ACACA: variants seen among roughly 807,000 people sequenced by gnomAD.
The protein encoded by ACACA is acetyl-CoA carboxylase 1.
A neutral mutation model predicts 296.1 loss-of-function variants in ACACA; 103 were observed. That is an observed-to-expected ratio of 0.35 (90% CI 0.30 to 0.41). ACACA has a LOEUF of 0.41. ACACA is among the 10% of genes least tolerant of loss of function. The pLI is 1.00. For synonymous variants in ACACA, 953 were observed against 1,038.6 expected (o/e 0.92, Z 1.58); for missense variants, 1,554 against 2,989.7 (o/e 0.52, Z 11.20).
intron 42 of ACACA, among the ~76,000 whole-genome samples, chr17:37,158,791 G>A (rs1345302854): frequency 6.6e-6 from 1 of 152,058 alleles, no homozygotes; most frequent in Non-Finnish European, 1.5e-5. Context: ...AGGGCATTGG[G>A]TCCTAGTGGG....
intron 39 of ACACA, among the ~76,000 whole-genome samples, chr17:37,185,833 T>A (rs2077511199): frequency 2.0e-5 from 3 of 152,196 alleles, no homozygotes; most frequent in Admixed American, 2.0e-4. Context: ...CCTCCCAAAG[T>A]GCTGGGATTA....
chr17:37,323,808 T>C (rs1367120209), intron 3 of ACACA, among the ~76,000 whole-genome samples: 1 of 152,210 alleles, frequency 6.6e-6, no homozygotes, highest in Non-Finnish European at 1.5e-5. Context: ...TTCTATTTGG[T>C]TGATAGCATG....
intron 39 of ACACA, 65 bp downstream of exon 39, chr17:37,188,212 C>G: frequency 1.3e-6 from 2 of 1,491,646 alleles, no homozygotes; most frequent in Non-Finnish European, 1.9e-6. Flanking sequence ...TCTTCTATAA[C>G]AAGGACGAGT....
At chr17:37,340,307 A>G (rs1484732365) in intron 1 of ACACA, among the ~76,000 whole-genome samples, 2 of 152,206 alleles carry the variant, frequency 1.3e-5, no homozygotes, top group East Asian at 3.8e-4. Flanking sequence ...CTAAGTCCCT[A>G]AACTGTAAGG....
rs913262341 is a variant in ACACA at position 37,191,334 on chromosome 17, G to C, written c.4417-59C>G. On this transcript the variant is annotated intron_variant, in intron 37 of 55. Transcript: ENST00000616317. ...GTTTAAAAGAGGCAATAAAGAAATGGCTATTATAATCACTTAAGCAGCAGT... is the reference window on the plus strand; with the variant it reads ...GTTTAAAAGAGGCAATAAAGAAATGCCTATTATAATCACTTAAGCAGCAGT... 8.0e-6 allele frequency: 12 copies of C among 1,506,440 alleles called. No individual in the cohort carries two copies. The African/African-American group carries it at 1.7e-4, about 21-fold the overall frequency. 93.3% of individuals were successfully genotyped at this position (1,506,440 alleles called of 1,614,324 possible).
chr17:37,317,889 G>T (rs907644398), intron 3 of ACACA, among the ~76,000 whole-genome samples: 3 of 152,150 alleles, frequency 2.0e-5, no homozygotes, highest in Non-Finnish European at 2.9e-5. Flanking sequence ...ATGGGAGATG[G>T]AAAGAGGAAA....
At position 37,258,251 on chromosome 17, in the gene ACACA, A is replaced by G; in HGVS notation, c.1623T>C (p.His541=). The G allele has an allele frequency of 6.2e-7, 1 of 1,614,166 alleles. No individual in the cohort carries two copies. Among genetic ancestry groups the G allele is most frequent in the Non-Finnish European group, 8.5e-7 (1 of 1,180,012 alleles). Residue 541 remains histidine, a synonymous_variant, in exon 13 of 56, where the codon CAT becomes CAC. Coordinates refer to ENST00000616317, the MANE Select transcript of ACACA (RefSeq NM_198834.3). ...DSAHVPCPRG[H]VIAARITSEN... is the part of the protein sequence containing the mutation. ...CACTAGTGATCCGAGCAGCAATAAC[A>G]TGGCCCCTTGGACAAGGAACGTGTG...
intron 1 of ACACA, among the ~76,000 whole-genome samples, chr17:37,383,579 G>A (rs900160631): frequency 1.3e-5 from 2 of 152,132 alleles, no homozygotes; most frequent in Admixed American, 1.3e-4. Flanking sequence ...ACAGAGTCTC[G>A]CTTTGTCCCC....
intron 10 of ACACA, among the ~76,000 whole-genome samples, chr17:37,264,884 GTTC>G (rs1388903509): frequency 5.3e-5 from 8 of 152,318 alleles, no homozygotes; most frequent in East Asian, 3.9e-4. Flanking sequence ...CATCTGGGCA[GTTC>G]TTCTTCTGGT....
chr17:37,351,277 T>G (rs11869216), intron 1 of ACACA, among the ~76,000 whole-genome samples: 4 of 151,840 alleles, frequency 2.6e-5, no homozygotes, highest in Non-Finnish European at 5.9e-5. Flanking sequence ...GCCTGGCCAA[T>G]ATGGTAAAAC....
At chr17:37,355,420 G>A (rs895910951) in intron 1 of ACACA, among the ~76,000 whole-genome samples, 3 of 151,846 alleles carry the variant, frequency 2.0e-5, no homozygotes, top group African/African-American at 7.3e-5. Context: ...GCCAGGTGTG[G>A]TGGCAGGCGC....
At chr17:37,244,221 C>G (rs1485393282) in intron 21 of ACACA, among the ~76,000 whole-genome samples, 2 of 151,748 alleles carry the variant, frequency 1.3e-5, no homozygotes, top group African/African-American at 4.8e-5. Flanking sequence ...AAAAAATTAG[C>G]CGCGCCTGGT....
intron 3 of ACACA, among the ~76,000 whole-genome samples, chr17:37,320,134 T>A (rs958119738): frequency 7.9e-5 from 12 of 151,338 alleles, no homozygotes; most frequent in East Asian, 3.9e-4. Flanking sequence ...GTAAAAAAAA[T>A]TTTTCAAGTA....
intron 3 of ACACA, among the ~76,000 whole-genome samples, chr17:37,325,604 T>G (rs1279427255): frequency 1.4e-5 from 2 of 140,426 alleles, no homozygotes; most frequent in African/African-American, 2.6e-5. Flanking sequence ...TTTTTTTTTT[T>G]GCTCTGTTGC....
Position 37,266,421 on chromosome 17 carries a change from C to CA in ACACA, c.1120-2528dup, listed in dbSNP as rs57539782. 4.6e-3 allele frequency among the ~76,000 whole-genome samples: 477 copies of CA among 104,800 alleles called. 2 individuals are homozygous for CA. The highest frequency in any genetic ancestry group is 0.022 in the Middle Eastern group (4 of 182). The allele number at this position is 104,800 out of a possible 152,430, so 68.8% of individuals were successfully genotyped here. On this transcript the variant is annotated intron_variant, in intron 10 of 55. Coordinates refer to ENST00000616317, the MANE Select transcript of ACACA (RefSeq NM_198834.3). ...AGAGTGAGACTCCCTCTCAAGAAAACAAAAAAAAAAAAGATAGTTAGAAGC... is the reference window on the plus strand; with the variant it reads ...AGAGTGAGACTCCCTCTCAAGAAAACAAAAAAAAAAAAAGATAGTTAGAAGC...
intron 30 of ACACA, 68 bp downstream of exon 30, chr17:37,210,399 T>C: frequency 2.1e-6 from 3 of 1,441,178 alleles, no homozygotes; most frequent in Non-Finnish European, 2.9e-6. Context: ...GTTTTTTTTT[T>C]CCTGGTTTCA....
chr17:37,348,964 A>G, intron 1 of ACACA, among the ~76,000 whole-genome samples: 1 of 151,936 alleles, frequency 6.6e-6, no homozygotes, highest in East Asian at 1.9e-4. Flanking sequence ...AAAAAAAAAA[A>G]CACCAATGCA....
chr17:37,325,807 C>G (rs2047593869), intron 3 of ACACA, among the ~76,000 whole-genome samples: 1 of 151,820 alleles, frequency 6.6e-6, no homozygotes, highest in Non-Finnish European at 1.5e-5. Context: ...CTGCTGACTT[C>G]AGGTGATCCA....
intron 1 of ACACA, among the ~76,000 whole-genome samples, chr17:37,365,934 A>T (rs1289058403): frequency 6.6e-6 from 1 of 152,178 alleles, no homozygotes; most frequent in Non-Finnish European, 1.5e-5. Flanking sequence ...TTCTTCCTCC[A>T]TGACACCTCC....
Sources: allele counts gnomAD v4.1 joint callset (sites outside exome capture counted in the v4.1 genomes callset), GRCh38; gene constraint gnomAD v4.1.1; transcripts MANE v1.5; gene names NCBI Gene and HGNC (gene_info 2026-07-23, HGNC 2026-07-21).